BOC: variants seen among roughly 807,000 people sequenced by gnomAD.
BOC encodes brother of CDO.
Under a neutral mutation model 112.0 loss-of-function variants are expected in BOC, and 76 were observed. The observed-to-expected ratio is 0.68, with a 90% CI of 0.56 to 0.82. The LOEUF (loss-of-function observed/expected upper bound fraction) is 0.82, where lower values mean the gene tolerates loss of function less well. Ranked by LOEUF, BOC falls within the 40% of genes least tolerant of loss-of-function variation. The pLI, the probability that BOC is intolerant of heterozygous loss-of-function variation, is 0.00. For missense variants in BOC, 1,309 were observed against 1,511.7 expected (o/e 0.87, Z 2.22); for synonymous variants, 580 against 599.8 (o/e 0.97, Z 0.48).
chr3:113,239,676 C>A (rs1944034699), intron 2 of BOC, among the ~76,000 whole-genome samples: 1 of 152,178 alleles, frequency 6.6e-6, no homozygotes, highest in Admixed American at 6.5e-5. Flanking sequence ...ACTTGGTGCC[C>A]AGAAGCTTCT....
At position 113,281,394 on chromosome 3, in the gene BOC, G is replaced by A. The variant is rs1949187826; in HGVS notation, c.2434+241G>A. The stretch of plus-strand genomic sequence containing the variant: ...AACTCATCCATGAAATCAGGGGATA[G>A]ACCTCATTCTTAAGTTGGGAACTTC... On this transcript the variant is annotated intron_variant, in intron 15 of 19. Transcript: ENST00000682979. 2.0e-5 allele frequency among the ~76,000 whole-genome samples: 3 copies of A among 152,220 alleles called. No homozygotes were observed. The South Asian group carries it at 6.2e-4, about 32-fold the overall frequency.
upstream of BOC, chr3:113,211,266 G>C (rs1048930699): frequency 6.6e-6 from 1 of 152,466 alleles, no homozygotes; most frequent in Non-Finnish European, 1.5e-5. Context: ...GGCTTCAGGG[G>C]AGCCCCCTGG....
At chr3:113,242,663 T>C (rs1287293512) in intron 2 of BOC, among the ~76,000 whole-genome samples, 1 of 152,080 alleles carries the variant, frequency 6.6e-6, no homozygotes, top group Non-Finnish European at 1.5e-5. Context: ...CAGGTTTTGC[T>C]AATCTCCCCA....
Position 113,284,465 on chromosome 3 carries a change from G to C in BOC, c.2787G>C (p.Arg929=), listed in dbSNP as rs752631437. The C allele has an allele frequency of 9.3e-6, 15 of 1,614,240 alleles. No individual in the cohort carries two copies. The South Asian group carries it at 1.5e-4, about 17-fold the overall frequency. The change falls in exon 17 of 20, where the codon CGG becomes CGC. Residue 929 remains arginine (R), a synonymous_variant. Transcript: ENST00000682979. ...GQPYLSGISG[R]ACANGIHMNR... is the part of the protein sequence containing the mutation. The stretch of plus-strand genomic sequence containing the variant: ...CCTACCTCAGTGGCATCAGTGGACG[G>C]GCCTGTGCTAATGGGATCCACATGA...
At chr3:113,219,422 T>C (rs1940140618) in intron 2 of BOC, among the ~76,000 whole-genome samples, 1 of 152,204 alleles carries the variant, frequency 6.6e-6, no homozygotes, top group Non-Finnish European at 1.5e-5. Flanking sequence ...CCCCCAGCAG[T>C]CCTGGGAAAA....
intron 4 of BOC, chr3:113,251,156 T>C (rs1945592548): frequency 1.8e-6 from 1 of 561,098 alleles, no homozygotes; most frequent in African/African-American, 1.9e-5. Flanking sequence ...CCTTCCTACT[T>C]GGTCATCCTG....
chr3:113,278,333 C>A lies in BOC; in HGVS notation c.1705+76C>A. The stretch of plus-strand genomic sequence containing the variant: ...GTTCCACTGGCCCAGGTGAGAATTC[C>A]TGCTCACCTTGCCCCAGCTGTTCAC... On this transcript the variant is annotated intron_variant, in intron 10 of 19. Coordinates refer to ENST00000682979, the MANE Select transcript of BOC (RefSeq NM_001378074.1). The surrounding 1 kb of genome is among the most constrained non-coding windows in gnomAD (Gnocchi z 4.2). 6.8e-7 allele frequency: 1 copy of A among 1,470,176 alleles called. No individual in the cohort carries two copies. The allele number at this position is 1,470,176 out of a possible 1,614,324, so 91.1% of individuals were successfully genotyped here.
chr3:113,283,126 C>T (rs190594064), intron 15 of BOC, among the ~76,000 whole-genome samples: 51 of 152,306 alleles, frequency 3.3e-4, no homozygotes, highest in African/African-American at 1.2e-3. Flanking sequence ...AGCACTACAC[C>T]GCTTCTGCCG....
chr3:113,278,278 C>A lies in BOC; in HGVS notation c.1705+21C>A, dbSNP rs776356764. 8.7e-6 allele frequency: 14 copies of A among 1,613,088 alleles called. No individual in the cohort carries two copies. The highest frequency in any genetic ancestry group is 1.3e-5 in the African/African-American group (1 of 75,042). ...AACTGGTGAGAGTCAAACATTGCCC[C>A]TTGCTTAGGGTTTCCGTGGGTCTAA... On this transcript the variant is annotated intron_variant, in intron 10 of 19. Coordinates refer to ENST00000682979, the MANE Select transcript of BOC (RefSeq NM_001378074.1). The surrounding 1 kb of genome is among the most constrained non-coding windows in gnomAD (Gnocchi z 4.2).
At chr3:113,257,312 A>G (rs113482777) in intron 4 of BOC, among the ~76,000 whole-genome samples, 1 of 152,188 alleles carries the variant, frequency 6.6e-6, no homozygotes, top group Admixed American at 6.5e-5. Flanking sequence ...GGAGCTGACC[A>G]TTGGAAGATG....
At chr3:113,230,914 G>A (rs1942510006) in intron 2 of BOC, among the ~76,000 whole-genome samples, 1 of 152,176 alleles carries the variant, frequency 6.6e-6, no homozygotes, top group Non-Finnish European at 1.5e-5. Context: ...TTTCAGATCT[G>A]TAAAGTTTGT....
At chr3:113,276,504 C>T (rs1416675172) in intron 9 of BOC, among the ~76,000 whole-genome samples, 6 of 152,326 alleles carry the variant, frequency 3.9e-5, no homozygotes, top group Non-Finnish European at 7.3e-5. Context: ...GTTGCCAAGG[C>T]AGAAGTTCTG....
At chr3:113,220,559 C>T (rs567413940) in intron 2 of BOC, among the ~76,000 whole-genome samples, 2 of 152,250 alleles carry the variant, frequency 1.3e-5, no homozygotes, top group East Asian at 1.9e-4. Flanking sequence ...AGCCCAAGGC[C>T]ATTGGCTTCT....
At chr3:113,286,228 T>A (rs59590258) in intron 19 of BOC, among the ~76,000 whole-genome samples, 7,812 of 152,202 alleles carry the variant, frequency 0.051, 262 homozygotes, top group East Asian at 0.1. Flanking sequence ...TCTAGGAGAT[T>A]AAATTTAAAA....
Position 113,257,126 on chromosome 3 carries a change from C to G in BOC, c.376+6293C>G, listed in dbSNP as rs140983690. ...TGCCTGGAGTTCTTTTGGAATATGT[C>G]TCTTTGGAGACAATGTGAAGAAATT... is the stretch of plus-strand genomic sequence containing the variant. On this transcript the variant is annotated intron_variant, in intron 4 of 19. Coordinates refer to ENST00000682979, the MANE Select transcript of BOC (RefSeq NM_001378074.1). Among the ~76,000 whole-genome samples, 99 of 152,320 alleles carry G rather than the reference C, an allele frequency of 6.5e-4. No individual in the cohort carries two copies. In the East Asian group the frequency reaches 0.017, roughly 27 times the overall value.
At chr3:113,242,004 C>G (rs572801676) in intron 2 of BOC, among the ~76,000 whole-genome samples, 1 of 150,946 alleles carries the variant, frequency 6.6e-6, no homozygotes, top group African/African-American at 2.4e-5. Flanking sequence ...AGGGGAGAGG[C>G]GAGGAGGGAA....
chr3:113,275,992 G>C (rs905417137), intron 9 of BOC, among the ~76,000 whole-genome samples: 3 of 152,206 alleles, frequency 2.0e-5, no homozygotes, highest in African/African-American at 4.8e-5. Flanking sequence ...CCCTCCACCT[G>C]CTGGCCTCTT....
Position 113,278,152 on chromosome 3 carries a change from C to T in BOC, c.1600C>T (p.Arg534Cys), listed in dbSNP as rs78524315. The change falls in exon 10 of 20, where the codon CGC becomes TGC. Residue 534 changes from arginine to cysteine, a missense_variant. By Grantham distance (180) the Arg-to-Cys change is radical (BLOSUM62 -3). Coordinates refer to ENST00000682979, the MANE Select transcript of BOC (RefSeq NM_001378074.1). The surrounding 1 kb of genome is among the most constrained non-coding windows in gnomAD (Gnocchi z 4.2). ...TISGIPANQH[R>C]LTLTRLDPGS... ...CTCTGGCATTCCAGCCAACCAGCAC[C>T]GCCTGACCCTCACCAGACTTGACCC... 8.5e-5 allele frequency: 137 copies of T among 1,614,234 alleles called. No homozygotes were observed. The highest frequency in any genetic ancestry group is 8.1e-4 in the African/African-American group (61 of 75,044).
rs768182082 is a variant in BOC at position 113,274,731 on chromosome 3, C to G, written c.1542+49C>G. On this transcript the variant is annotated intron_variant, in intron 9 of 19. Coordinates refer to ENST00000682979, the MANE Select transcript of BOC (RefSeq NM_001378074.1). The surrounding 1 kb of genome is among the most constrained non-coding windows in gnomAD (Gnocchi z 4.8). ...TGCCTCCCCTGCACAGCCTTTCCAG[C>G]AAGGCTGAGCAGAGTCACTGTCTCT... 6 of 1,513,830 alleles carry G rather than the reference C, an allele frequency of 4.0e-6. No individual in the cohort carries two copies. Among genetic ancestry groups the G allele is most frequent in the Non-Finnish European group, 4.5e-6 (5 of 1,119,696 alleles). The allele number at this position is 1,513,830 out of a possible 1,614,324, so 93.8% of individuals were successfully genotyped here.
Sources: allele counts gnomAD v4.1 joint callset (sites outside exome capture counted in the v4.1 genomes callset), GRCh38; gene constraint gnomAD v4.1.1; non-coding constraint Gnocchi (gnomAD v3.1); transcripts MANE v1.5; gene names NCBI Gene and HGNC (gene_info 2026-07-23, HGNC 2026-07-21).